The following COL18A1 variants were observed in gnomAD, a reference collection of about 807,000 sequenced individuals.
The protein encoded by COL18A1 is collagen alpha-1(XVIII) chain.
COL18A1 carries 133 observed loss-of-function variants against 168.0 expected under a neutral mutation model. That is an observed-to-expected ratio of 0.79 (90% CI 0.69 to 0.91). COL18A1 has a LOEUF of 0.91. Among genes scored for constraint, COL18A1 ranks in the 40% least tolerant of loss-of-function variants. The pLI, the probability that COL18A1 is intolerant of heterozygous loss-of-function variation, is 0.00. For synonymous variants in COL18A1, 949 were observed against 809.0 expected (o/e 1.17, Z -2.94); for missense variants, 2,126 against 1,925.4 (o/e 1.10, Z -1.95).
chr21:45,427,179 T>G (rs2033829461), intron 2 of COL18A1, among the ~76,000 whole-genome samples: 1 of 152,228 alleles, frequency 6.6e-6, no homozygotes, highest in Non-Finnish European at 1.5e-5. Flanking sequence ...CGCTGGGGGC[T>G]GGGCCCAGCT....
At chr21:45,456,632 G>T (rs1424982328) in intron 2 of COL18A1, 3 of 1,538,162 alleles carry the variant, frequency 2.0e-6, no homozygotes, top group Non-Finnish European at 2.6e-6. Context: ...GCAGGTGCGG[G>T]CCGGGGCACG....
At position 45,509,437 on chromosome 21, in the gene COL18A1, C is replaced by A. The variant is rs757163483; in HGVS notation, c.3331C>A (p.Pro1111Thr). ...NPYPRREHPHPTARPWRADDI... is the reference protein window; with the variant it reads ...NPYPRREHPHTTARPWRADDI... ...CTACCCGCGGCGGGAGCACCCCCAC[C>A]CCACCGCGCGGCCCTGGCGGGCAGA... The change falls in exon 39 of 42, where the codon CCC becomes ACC. Residue 1111 changes from proline (P) to threonine (T), a missense_variant. Physicochemically the swap from Pro to Thr is conservative, Grantham distance 38. Transcript: ENST00000651438. The A allele has an allele frequency of 1.3e-6, 2 of 1,534,680 alleles. No individual in the cohort carries two copies. The highest frequency in any genetic ancestry group is 1.8e-6 in the Non-Finnish European group (2 of 1,141,876).
chr21:45,407,899 T>C (rs538146509), intron 2 of COL18A1: 2 of 152,362 alleles, frequency 1.3e-5, no homozygotes, highest in South Asian at 2.1e-4. Context: ...CCTGCAGGGA[T>C]TGGGCTTCAG....
chr21:45,416,195 A>G (rs1254218852), intron 2 of COL18A1, among the ~76,000 whole-genome samples: 2 of 152,004 alleles, frequency 1.3e-5, no homozygotes, highest in African/African-American at 2.4e-5. Flanking sequence ...TTTTAAACCT[A>G]TTCTTGGGGA....
At chr21:45,456,576 T>G in intron 2 of COL18A1, 1 of 1,544,116 alleles carries the variant, frequency 6.5e-7, no homozygotes, top group Non-Finnish European at 8.7e-7. Flanking sequence ...CACCTGGGCA[T>G]CTCACGCTTC....
intron 29 of COL18A1, 168 bp downstream of exon 29, chr21:45,495,600 C>CAA (rs1555871115): frequency 5.1e-5 from 26 of 511,428 alleles, no homozygotes; most frequent in Admixed American, 9.4e-5. Context: ...TCATACATGT[C>CAA]CACACACGCA....
chr21:45,495,711 C>G (rs1378881769), intron 29 of COL18A1: 1 of 395,824 alleles, frequency 2.5e-6, no homozygotes, highest in African/African-American at 3.5e-5. Context: ...CACACGCGCA[C>G]ACATACACGC....
Position 45,456,112 on chromosome 21 carries a change from G to A in COL18A1, c.107-12130G>A, listed in dbSNP as rs372854150. Reference sequence around the variant, plus strand: ...GCACCTTGCCTGCACCCACCCCATCGCCTCCCTCCCTGGGCAGGCCCTGGG... The same window carrying A: ...GCACCTTGCCTGCACCCACCCCATCACCTCCCTCCCTGGGCAGGCCCTGGG... On this transcript the variant is annotated intron_variant, in intron 2 of 41. Coordinates refer to ENST00000651438, the MANE Select transcript of COL18A1 (RefSeq NM_001379500.1). The A allele has an allele frequency of 3.0e-5, 48 of 1,587,910 alleles. No individual in the cohort carries two copies. The highest frequency in any genetic ancestry group is 8.1e-5 in the African/African-American group (6 of 74,450).
At chr21:45,494,252 CCCT>C in intron 26 of COL18A1, 1 of 477,940 alleles carries the variant, frequency 2.1e-6, no homozygotes, top group Non-Finnish European at 3.8e-6. Context: ...ATGCCCTCCA[CCCT>C]CCACCCTCCA....
chr21:45,493,835 C>A, intron 26 of COL18A1: 1 of 532,796 alleles, frequency 1.9e-6, no homozygotes, highest in South Asian at 2.1e-5. Flanking sequence ...TCTCAGTGGG[C>A]TGCAGCTCTG....
chr21:45,494,960 C>G (rs1401685289), intron 28 of COL18A1, 45 bp downstream of exon 28: 1 of 1,560,186 alleles, frequency 6.4e-7, no homozygotes, highest in African/African-American at 1.4e-5. Flanking sequence ...TGGGGTCTGG[C>G]AGGTGGGGAG....
chr21:45,406,616 G>A (rs1445679107), intron 2 of COL18A1, among the ~76,000 whole-genome samples: 2 of 152,066 alleles, frequency 1.3e-5, no homozygotes, highest in African/African-American at 2.4e-5. Context: ...AGGGTCACTC[G>A]GGGCCATTAA....
intron 34 of COL18A1, 23 bp from the exon 35 acceptor site, chr21:45,505,111 G>T: frequency 6.2e-7 from 1 of 1,604,556 alleles, no homozygotes; most frequent in Non-Finnish European, 8.5e-7. Context: ...TAACCAGGAA[G>T]CGTCTCTTGT....
intron 2 of COL18A1, among the ~76,000 whole-genome samples, chr21:45,429,370 C>T (rs184738901): frequency 2.0e-5 from 3 of 152,270 alleles, no homozygotes; most frequent in African/African-American, 4.8e-5. Context: ...GGGTGATGGT[C>T]GCTGTCAGCG....
chr21:45,471,051 G>A lies in COL18A1; in HGVS notation c.651+2265G>A, dbSNP rs1297117525. ...TTGTGCTGCTGGGTGTGGGTGGCGC[G>A]CTACGGGCCTTGTGCTGCTGGGCCT... On this transcript the variant is annotated intron_variant, in intron 3 of 41. Coordinates refer to ENST00000651438, the MANE Select transcript of COL18A1 (RefSeq NM_001379500.1). This position sits in a 1 kb window ranked among gnomAD's most constrained non-coding sequence, Gnocchi z 4.4. Among the ~76,000 whole-genome samples, 4 of 150,066 alleles carry A rather than the reference G, an allele frequency of 2.7e-5. No individual in the cohort carries two copies. Among genetic ancestry groups the A allele is most frequent in the South Asian group, 2.1e-4 (1 of 4,742 alleles).
In COL18A1 at chr21:45,504,469, CG is replaced by C. The variant is rs1220214438; in HGVS notation, c.2786del (p.Gly929AlafsTer102). 4 of 1,608,010 alleles carry C rather than the reference CG, an allele frequency of 2.5e-6. No homozygotes were observed. Among genetic ancestry groups the C allele is most frequent in the Non-Finnish European group, 2.5e-6 (3 of 1,177,572 alleles). Reference sequence around the variant, plus strand: ...GACAGAAAGGCGAAAGGGGGGAGCCCGGGGGCGGCGGTTTCTTCGGCTCCAG... The same window carrying C: ...GACAGAAAGGCGAAAGGGGGGAGCCCGGGGCGGCGGTTTCTTCGGCTCCAG... ...AGQKGERGEPGGGGFFGSSLP... is the reference protein window; with the variant it reads ...AGQKGERGEPXGGGFFGSSLP... On this transcript the variant is annotated frameshift_variant, in exon 34 of 42. Transcript: ENST00000651438. LOFTEE classifies it high-confidence loss of function.
rs911841037 is a variant in COL18A1 at position 45,443,854 on chromosome 21, C to G, written c.107-24388C>G. 6.6e-6 allele frequency among the ~76,000 whole-genome samples: 1 copy of G among 152,182 alleles called. No homozygotes were observed. The highest frequency in any genetic ancestry group is 6.5e-5 in the Admixed American group (1 of 15,282). ...TGCCTGCTGCATGATCCCCTAGATG[C>G]GTCCGAGGGACACTGGACATCTGGT... On this transcript the variant is annotated intron_variant, in intron 2 of 41. Transcript: ENST00000651438. The surrounding 1 kb of genome is among the most constrained non-coding windows in gnomAD (Gnocchi z 5.2).
At chr21:45,447,174 T>C (rs904411026) in intron 2 of COL18A1, among the ~76,000 whole-genome samples, 1 of 151,708 alleles carries the variant, frequency 6.6e-6, no homozygotes, top group African/African-American at 2.4e-5. Context: ...CAAGTAAAAC[T>C]GTATTTTTAG....
At chr21:45,454,198 A>T (rs1201008386) in intron 2 of COL18A1, among the ~76,000 whole-genome samples, 1 of 152,118 alleles carries the variant, frequency 6.6e-6, no homozygotes, top group Non-Finnish European at 1.5e-5. Context: ...CTCGAGAAGG[A>T]GGTGGCACTC....
Sources: allele counts gnomAD v4.1 joint callset (sites outside exome capture counted in the v4.1 genomes callset), GRCh38; gene constraint gnomAD v4.1.1; non-coding constraint Gnocchi (gnomAD v3.1); transcripts MANE v1.5; gene names NCBI Gene and HGNC (gene_info 2026-07-23, HGNC 2026-07-21).